Variants in B3GALT1 observed in about 807,000 individuals in gnomAD.
The protein encoded by B3GALT1 is beta-1,3-galactosyltransferase 1, also known as UDP-Gal:betaGlcNAc beta 1,3-galactosyltransferase, polypeptide 1.
In B3GALT1, 10 loss-of-function variants were observed where a neutral mutation model predicts 23.2. The observed-to-expected ratio is 0.43, with a 90% CI of 0.27 to 0.73. B3GALT1 has a LOEUF of 0.73. Ranked by LOEUF, B3GALT1 falls within the 30% of genes least tolerant of loss-of-function variation. The probability of loss-of-function intolerance (pLI) is 0.21; values close to 1 mark genes in which losing one functional copy is unlikely to be tolerated. For missense variants in B3GALT1, 299 were observed against 405.4 expected (o/e 0.74, Z 2.25); for synonymous variants, 156 against 141.5 (o/e 1.10, Z -0.73).
At chr2:167,382,302 T>C (rs1318923574) in intron 1 of B3GALT1, among the ~76,000 whole-genome samples, 1 of 152,156 alleles carries the variant, frequency 6.6e-6, no homozygotes, top group African/African-American at 2.4e-5. Flanking sequence ...TTTTTTTCTC[T>C]CTTTTTTGTT....
At chr2:167,843,163 A>G (rs949605485) in intron 4 of B3GALT1, among the ~76,000 whole-genome samples, 6 of 152,216 alleles carry the variant, frequency 3.9e-5, no homozygotes, top group Admixed American at 1.3e-4. Flanking sequence ...CCTGATAAGT[A>G]AAAAGTAAAA....
chr2:167,719,939 A>T (rs972122760), intron 3 of B3GALT1, among the ~76,000 whole-genome samples: 14 of 152,082 alleles, frequency 9.2e-5, no homozygotes, highest in Admixed American at 4.6e-4. Flanking sequence ...CTCAAAAAAA[A>T]AAAAAGAAAG....
chr2:167,839,054 A>G (rs1337939001), intron 4 of B3GALT1, among the ~76,000 whole-genome samples: 1 of 152,126 alleles, frequency 6.6e-6, no homozygotes, highest in Non-Finnish European at 1.5e-5. Flanking sequence ...ATCTATGACA[A>G]ACCCACAGCC....
intron 3 of B3GALT1, among the ~76,000 whole-genome samples, chr2:167,764,362 A>C (rs1045862828): frequency 2.6e-5 from 4 of 152,230 alleles, no homozygotes; most frequent in Non-Finnish European, 5.9e-5. Context: ...AGTTATTAAT[A>C]ATATAAGGAT....
In B3GALT1 at chr2:167,807,802, G is replaced by C. The variant is rs564618592; in HGVS notation, c.-351-10870G>C. On this transcript the variant is annotated intron_variant, in intron 3 of 4. Transcript: ENST00000392690. ...AGAATGTATATTCTGTTGATTTGGG[G>C]TAGAGAGTTCTGTAGATATCTATTA... Among the ~76,000 whole-genome samples, 17 of 152,330 alleles carry C rather than the reference G, an allele frequency of 1.1e-4. No individual in the cohort carries two copies. The South Asian group carries it at 1.7e-3, about 15-fold the overall frequency.
rs1463161612 is a variant in B3GALT1, at chr2:167,838,841, G to A, written c.-230+20048G>A. ...AAGCTTATCCACCATGATCAAGTGG[G>A]CTTCATCCCTGGGATGCAAGGCTGG... On this transcript the variant is annotated intron_variant, in intron 4 of 4. Transcript: ENST00000392690. Among the ~76,000 whole-genome samples, 7 of 152,110 alleles carry A rather than the reference G, an allele frequency of 4.6e-5. No individual in the cohort carries two copies. In the South Asian group the frequency reaches 6.2e-4, roughly 14 times the overall value.
At chr2:167,326,189 A>G (rs1045004674) in intron 1 of B3GALT1, among the ~76,000 whole-genome samples, 1 of 139,028 alleles carries the variant, frequency 7.2e-6, no homozygotes, top group African/African-American at 2.6e-5. Flanking sequence ...AGTGATGTTG[A>G]GTTTTTTTTT....
rs147745856 is a variant in B3GALT1 at position 167,644,929 on chromosome 2, A to G, written c.-409-1980A>G. Reference sequence around the variant, plus strand: ...TAAGCTTAGCACCATTCAGACTCAGAGCCATGTTGATCTAAAGTGCTTAAT... The same window carrying G: ...TAAGCTTAGCACCATTCAGACTCAGGGCCATGTTGATCTAAAGTGCTTAAT... On this transcript the variant is annotated intron_variant, in intron 2 of 4. Transcript: ENST00000392690. Among the ~76,000 whole-genome samples the G allele has an allele frequency of 3.9e-3, 587 of 152,198 alleles. 5 individuals are homozygous for G. The highest frequency in any genetic ancestry group is 0.014 in the African/African-American group (563 of 41,530).
intron 1 of B3GALT1, among the ~76,000 whole-genome samples, chr2:167,360,770 T>C (rs904087661): frequency 2.5e-4 from 38 of 152,308 alleles, no homozygotes; most frequent in African/African-American, 8.4e-4. Context: ...TATTATTAAC[T>C]ATAATTTCCT....
chr2:167,724,066 A>G lies in B3GALT1; in HGVS notation c.-352+77100A>G, dbSNP rs569483524. ...TAGAGATAACATTTCAAAATGGAAT[A>G]TTTGGCACCAACATCAATAGAGACA... On this transcript the variant is annotated intron_variant, in intron 3 of 4. Coordinates refer to ENST00000392690, the MANE Select transcript of B3GALT1 (RefSeq NM_020981.4). Among the ~76,000 whole-genome samples the G allele has an allele frequency of 6.6e-5, 10 of 152,318 alleles. No individual in the cohort carries two copies. The South Asian group carries it at 1.9e-3, about 28-fold the overall frequency.
At chr2:167,659,590 A>G (rs1008038834) in intron 3 of B3GALT1, among the ~76,000 whole-genome samples, 8 of 152,150 alleles carry the variant, frequency 5.3e-5, no homozygotes, top group African/African-American at 1.7e-4. Flanking sequence ...TGTGGACAGT[A>G]GATGCAAATA....
chr2:167,557,316 T>C (rs1194699295), intron 2 of B3GALT1, among the ~76,000 whole-genome samples: 4 of 152,194 alleles, frequency 2.6e-5, no homozygotes, highest in African/African-American at 4.8e-5. Flanking sequence ...CCTTTTCTAA[T>C]AAAAAGTTAT....
intron 1 of B3GALT1, among the ~76,000 whole-genome samples, chr2:167,375,749 T>C (rs1697753023): frequency 6.6e-6 from 1 of 152,164 alleles, no homozygotes. Context: ...GCAGAGTCCT[T>C]AGGGTTTTCT....
chr2:167,548,637 G>A (rs1055742992), intron 2 of B3GALT1, among the ~76,000 whole-genome samples: 4 of 151,754 alleles, frequency 2.6e-5, no homozygotes, highest in African/African-American at 4.8e-5. Flanking sequence ...TTCTGACACT[G>A]AGCAGATGCC....
At chr2:167,392,898 A>T (rs1329506142) in intron 1 of B3GALT1, among the ~76,000 whole-genome samples, 2 of 152,140 alleles carry the variant, frequency 1.3e-5, no homozygotes, top group Admixed American at 6.5e-5. Flanking sequence ...TAGAACGAAC[A>T]CTTGTGAAAA....
At chr2:167,345,664 T>C (rs1414982370) in intron 1 of B3GALT1, among the ~76,000 whole-genome samples, 2 of 152,140 alleles carry the variant, frequency 1.3e-5, no homozygotes, top group Admixed American at 1.3e-4. Flanking sequence ...AAATATGTGC[T>C]CGCTGTTATG....
rs546565723 is a variant in B3GALT1, at chr2:167,800,387, T to G, written c.-351-18285T>G. Among the ~76,000 whole-genome samples, 6 of 152,266 alleles carry G rather than the reference T, an allele frequency of 3.9e-5. 1 individual carries two copies. In the South Asian group the frequency reaches 1.2e-3, roughly 32 times the overall value. The stretch of plus-strand genomic sequence containing the variant: ...CTTTCTTACCATTAAGTAAAATGTT[T>G]AGGGAGGAAAAACTCCCACCTGAAC... On this transcript the variant is annotated intron_variant, in intron 3 of 4. Coordinates refer to ENST00000392690, the MANE Select transcript of B3GALT1 (RefSeq NM_020981.4).
intron 1 of B3GALT1, among the ~76,000 whole-genome samples, chr2:167,364,341 T>A (rs536150847): frequency 6.7e-6 from 1 of 149,734 alleles, no homozygotes; most frequent in Admixed American, 6.7e-5. Context: ...TATATATAGT[T>A]TTTTTTTTCA....
chr2:167,493,026 A>G (rs926353439), intron 2 of B3GALT1, among the ~76,000 whole-genome samples: 2 of 152,184 alleles, frequency 1.3e-5, no homozygotes, highest in African/African-American at 2.4e-5. Context: ...TGCATATTCT[A>G]TAGATCTTGA....
Sources: allele counts gnomAD v4.1 joint callset (sites outside exome capture counted in the v4.1 genomes callset), GRCh38; gene constraint gnomAD v4.1.1; transcripts MANE v1.5; gene names NCBI Gene and HGNC (gene_info 2026-07-23, HGNC 2026-07-21).